DNER: variants seen among roughly 807,000 people sequenced by gnomAD.
DNER encodes delta/notch like EGF repeat containing.
Under a neutral mutation model 78.2 loss-of-function variants are expected in DNER, and 33 were observed. The ratio of observed to expected loss-of-function variants is 0.42; its 90% CI spans 0.32 to 0.56. The LOEUF (loss-of-function observed/expected upper bound fraction) is 0.56. Ranked by LOEUF, DNER falls within the 20% of genes least tolerant of loss-of-function variation. The pLI is 0.11. For missense variants in DNER, 918 were observed against 975.3 expected (o/e 0.94, Z 0.78); for synonymous variants, 417 against 384.8 (o/e 1.08, Z -0.98).
chr2:229,595,827 T>C (rs1362532587), intron 1 of DNER, among the ~76,000 whole-genome samples: 2 of 152,336 alleles, frequency 1.3e-5, no homozygotes, highest in East Asian at 3.9e-4. Flanking sequence ...TGCCATCTTC[T>C]GATGAGGAGC....
intron 5 of DNER, among the ~76,000 whole-genome samples, chr2:229,540,464 G>A (rs1227626415): frequency 6.6e-6 from 1 of 152,186 alleles, no homozygotes; most frequent in African/African-American, 2.4e-5. Context: ...GAGGCACATG[G>A]TTTCGGAACA....
chr2:229,443,065 T>C (rs894278125), intron 8 of DNER, among the ~76,000 whole-genome samples: 1 of 152,152 alleles, frequency 6.6e-6, no homozygotes, highest in Non-Finnish European at 1.5e-5. Context: ...TCAACTGCAG[T>C]TGAAATGATG....
chr2:229,480,019 C>G (rs1695122602), intron 6 of DNER, among the ~76,000 whole-genome samples: 1 of 152,184 alleles, frequency 6.6e-6, no homozygotes, highest in Admixed American at 6.5e-5. Flanking sequence ...CCACAGCCAG[C>G]AGCCAATTTG....
chr2:229,538,812 T>G (rs936841152), intron 5 of DNER, among the ~76,000 whole-genome samples: 1 of 152,210 alleles, frequency 6.6e-6, no homozygotes, highest in Non-Finnish European at 1.5e-5. Context: ...GTGCTGGGAT[T>G]ACAGGCGTGA....
chr2:229,375,648 A>C (rs921896371), intron 11 of DNER, among the ~76,000 whole-genome samples: 10 of 152,234 alleles, frequency 6.6e-5, no homozygotes, highest in African/African-American at 2.4e-4. Flanking sequence ...GCTCATGAAA[A>C]GTTAAAAGAT....
At chr2:229,707,180 ATTTTTTTTTT>A (rs397868353) in intron 1 of DNER, among the ~76,000 whole-genome samples, 32 of 94,606 alleles carry the variant, frequency 3.4e-4, no homozygotes, top group South Asian at 8.3e-4. Context: ...CGGCTGGCTA[ATTTTTTTTTT>A]TTTTTTTTTT....
intron 1 of DNER, among the ~76,000 whole-genome samples, chr2:229,711,482 G>A (rs139232376): frequency 1.2e-4 from 18 of 152,204 alleles, no homozygotes; most frequent in Middle Eastern, 3.4e-3. Flanking sequence ...GCATGTCCTA[G>A]ACCCCATTGA....
In DNER at chr2:229,366,990, C is replaced by A. The variant is rs1213377438; in HGVS notation, c.1985G>T (p.Cys662Phe). Residue 662 changes from cysteine to phenylalanine, a missense_variant, in exon 12 of 13, where the codon TGC becomes TTC. Cys to Phe is a radical substitution (Grantham distance 205). Transcript: ENST00000341772. The stretch of plus-strand genomic sequence containing the variant: ...CTGGTATTCAATGCGGCTGATGCGG[C>A]AAATCCCCACGATCAGGATGATCAG... Reference protein sequence around the residue: ...LMLIILIVGICRISRIEYQGS... With the variant: ...LMLIILIVGIFRISRIEYQGS... The A allele has an allele frequency of 6.2e-7, 1 of 1,614,020 alleles. No individual in the cohort carries two copies. The highest frequency in any genetic ancestry group is 8.5e-7 in the Non-Finnish European group (1 of 1,180,014).
chr2:229,701,528 T>A (rs1201609857), intron 1 of DNER, among the ~76,000 whole-genome samples: 1 of 152,254 alleles, frequency 6.6e-6, no homozygotes, highest in Admixed American at 6.5e-5. Context: ...TTTGGGGTAC[T>A]TCGAGGTCCC....
At chr2:229,452,219 A>G (rs1574849402) in intron 7 of DNER, among the ~76,000 whole-genome samples, 1 of 152,222 alleles carries the variant, frequency 6.6e-6, no homozygotes, top group African/African-American at 2.4e-5. Context: ...GTTTACTCGA[A>G]TAATTGAGGT....
rs3085435 is a variant in DNER, at chr2:229,423,614, CAAA to C, written c.1487-5387_1487-5385del. ...TGGGAGATAGAGCGAGACTACATCTCAAAAAAAAAAAAAAAAAGATATACTGAG... is the reference window on the plus strand; with the variant it reads ...TGGGAGATAGAGCGAGACTACATCTCAAAAAAAAAAAAAAGATATACTGAG... On this transcript the variant is annotated intron_variant, in intron 8 of 12. Transcript: ENST00000341772. 5.7e-3 allele frequency among the ~76,000 whole-genome samples: 472 copies of C among 82,172 alleles called. 3 individuals carry two copies. Among genetic ancestry groups the C allele is most frequent in the African/African-American group, 0.016 (458 of 29,408 alleles). 53.9% of individuals were successfully genotyped at this position (82,172 alleles called of 152,430 possible). A position where few individuals can be genotyped will look rare whatever the true frequency, so the allele number is the denominator to read the frequency against.
chr2:229,493,300 G>C (rs926441145), intron 6 of DNER, among the ~76,000 whole-genome samples: 6 of 152,180 alleles, frequency 3.9e-5, no homozygotes, highest in Admixed American at 2.6e-4. Flanking sequence ...TTTTGGCAGT[G>C]GTGGTTCTGA....
At chr2:229,615,101 G>A (rs16826280) in intron 1 of DNER, among the ~76,000 whole-genome samples, 3,363 of 152,240 alleles carry the variant, frequency 0.022, 139 homozygotes, top group African/African-American at 0.077. Context: ...TTTTCAAGTC[G>A]TCCAAAGGGT....
intron 5 of DNER, among the ~76,000 whole-genome samples, chr2:229,521,078 A>G (rs1288695101): frequency 6.6e-6 from 1 of 152,200 alleles, no homozygotes; most frequent in African/African-American, 2.4e-5. Context: ...GAGCCTATGA[A>G]TAAAAAGTCC....
intron 1 of DNER, among the ~76,000 whole-genome samples, chr2:229,658,704 A>C (rs766571369): frequency 1.6e-4 from 24 of 152,136 alleles, no homozygotes; most frequent in Non-Finnish European, 2.8e-4. Flanking sequence ...AATGACAACC[A>C]ATTCAAAGAG....
chr2:229,684,122 GTTTGTGTGTGTGTC>G (rs1186684789), intron 1 of DNER, among the ~76,000 whole-genome samples: 5 of 144,414 alleles, frequency 3.5e-5, no homozygotes, highest in African/African-American at 5.1e-5. Context: ...GTGTGTGTGT[GTTTGTGTGTGTGTC>G]TGTGTATGTG....
chr2:229,505,177 A>AGT (rs144321798), intron 6 of DNER, among the ~76,000 whole-genome samples: 4,799 of 126,454 alleles, frequency 0.038, 99 homozygotes, highest in African/African-American at 0.058. Flanking sequence ...GTGTTGCTGC[A>AGT]GTGTGTGTGT....
intron 2 of DNER, among the ~76,000 whole-genome samples, chr2:229,589,978 C>T (rs1697571965): frequency 6.6e-6 from 1 of 150,518 alleles, no homozygotes. Context: ...ATGCTACTAT[C>T]TCTTTTATAA....
intron 4 of DNER, among the ~76,000 whole-genome samples, chr2:229,550,982 T>C (rs865779198): frequency 6.6e-6 from 1 of 152,116 alleles, no homozygotes; most frequent in African/African-American, 2.4e-5. Flanking sequence ...AATGTTGAAG[T>C]CCTTGCACAC....
Sources: gnomAD v4.1 joint callset for allele counts (sites outside exome capture counted in the v4.1 genomes callset) on GRCh38, gnomAD v4.1.1 for gene constraint, MANE v1.5 for transcripts, NCBI Gene and HGNC (gene_info 2026-07-23, HGNC 2026-07-21) for gene names.